Variants in NDRG1 observed in about 807,000 individuals in gnomAD.
NDRG1 encodes protein NDRG1.
In NDRG1, 32 loss-of-function variants were observed where a neutral mutation model predicts 56.9. That is an observed-to-expected ratio of 0.56 (90% CI 0.42 to 0.76). NDRG1 has a LOEUF of 0.76. Among genes scored for constraint, NDRG1 ranks in the 30% least tolerant of loss-of-function variants. The pLI, the probability that NDRG1 is intolerant of heterozygous loss-of-function variation, is 0.00. For missense variants in NDRG1, 507 were observed against 545.7 expected (o/e 0.93, Z 0.71); for synonymous variants, 211 against 204.1 (o/e 1.03, Z -0.29).
chr8:133,244,666 T>C (rs1855570158), intron 13 of NDRG1: 1 of 569,096 alleles, frequency 1.8e-6, no homozygotes. Flanking sequence ...CCAAGAACCA[T>C]GGAAGGTACA....
Position 133,244,258 on chromosome 8 carries a change from C to T in NDRG1, c.891+97G>A, listed in dbSNP as rs1586406869. 8 of 1,440,608 alleles carry T rather than the reference C, an allele frequency of 5.6e-6. No homozygotes were observed. In the South Asian group the frequency reaches 6.9e-5, roughly 12 times the overall value. The allele number at this position is 1,440,608 out of a possible 1,614,324, so 89.2% of individuals were successfully genotyped here. A position where few individuals can be genotyped will look rare whatever the true frequency, so the allele number is the denominator to read the frequency against. On this transcript the variant is annotated intron_variant, in intron 14 of 15. Transcript: ENST00000323851. ...GTCCACAAACTGTCATCCGATGTCA[C>T]AGCAAGGTAATGAGGGAACAGGTGT...
intron 15 of NDRG1, 100 bp from the exon 16 acceptor site, chr8:133,239,219 C>T: frequency 6.6e-7 from 1 of 1,520,130 alleles, no homozygotes; most frequent in East Asian, 2.5e-5. Flanking sequence ...CGTGCCAGCC[C>T]CAGAGAAGAC....
intron 3 of NDRG1, among the ~76,000 whole-genome samples, chr8:133,269,296 G>C (rs1857073021): frequency 6.6e-6 from 1 of 152,096 alleles, no homozygotes; most frequent in Non-Finnish European, 1.5e-5. Context: ...CACAGTTCAG[G>C]ACCAGGCCAC....
chr8:133,259,581 A>G (rs1856561348), intron 5 of NDRG1: 1 of 385,706 alleles, frequency 2.6e-6, no homozygotes, highest in Non-Finnish European at 4.9e-6. Context: ...GGTTAGCCAG[A>G]AACATGTCCT....
chr8:133,292,274 G>T (rs570131847), intron 1 of NDRG1, among the ~76,000 whole-genome samples: 2 of 152,156 alleles, frequency 1.3e-5, no homozygotes, highest in African/African-American at 4.8e-5. Flanking sequence ...CCTTTGTCCC[G>T]AGATGGGATG....
At chr8:133,271,824 A>C (rs993971344) in intron 3 of NDRG1, among the ~76,000 whole-genome samples, 5 of 110,328 alleles carry the variant, frequency 4.5e-5, no homozygotes, top group Admixed American at 4.1e-4. Context: ...AGAACACATA[A>C]AGTACCAGAG....
chr8:133,246,941 G>A (rs1045563488), intron 12 of NDRG1, among the ~76,000 whole-genome samples: 2 of 152,196 alleles, frequency 1.3e-5, no homozygotes, highest in Non-Finnish European at 2.9e-5. Flanking sequence ...AGGTTATTAT[G>A]AAGATTAGCC....
chr8:133,266,315 GGAACACA>G (rs1856917597), intron 3 of NDRG1, among the ~76,000 whole-genome samples: 1 of 152,258 alleles, frequency 6.6e-6, no homozygotes, highest in Non-Finnish European at 1.5e-5. Flanking sequence ...GCAGTGAAGT[GGAACACA>G]GAACACTCTA....
chr8:133,259,848 C>T (rs529705200), intron 5 of NDRG1, among the ~76,000 whole-genome samples: 6 of 152,260 alleles, frequency 3.9e-5, no homozygotes, highest in Non-Finnish European at 5.9e-5. Flanking sequence ...CAAAGCCTAT[C>T]GAAACAGAGA....
chr8:133,291,670 T>C (rs1464693737), intron 1 of NDRG1, among the ~76,000 whole-genome samples: 1 of 152,108 alleles, frequency 6.6e-6, no homozygotes. Context: ...AAGGAAACAG[T>C]ACAAATGTCA....
At chr8:133,243,275 G>A (rs1489149918) in intron 14 of NDRG1, among the ~76,000 whole-genome samples, 1 of 152,226 alleles carries the variant, frequency 6.6e-6, no homozygotes, top group South Asian at 2.1e-4. Flanking sequence ...AGCAGGTCAG[G>A]GCTGCAGGGA....
intron 2 of NDRG1, 27 bp downstream of exon 2, chr8:133,284,222 G>A (rs1857973062): frequency 6.2e-7 from 1 of 1,609,756 alleles, no homozygotes; most frequent in South Asian, 1.1e-5. Context: ...TGCCTGTGAT[G>A]GGGTAGCCAG....
At chr8:133,280,002 G>A (rs1219480796) in intron 3 of NDRG1, among the ~76,000 whole-genome samples, 1 of 152,162 alleles carries the variant, frequency 6.6e-6, no homozygotes, top group Non-Finnish European at 1.5e-5. Flanking sequence ...AACAGGCGGT[G>A]TCTCTGTCCT....
chr8:133,268,045 T>C (rs997472059), intron 3 of NDRG1, among the ~76,000 whole-genome samples: 5 of 152,104 alleles, frequency 3.3e-5, no homozygotes, highest in Admixed American at 2.0e-4. Flanking sequence ...TATACAGCCA[T>C]GGAACCAGAA....
At chr8:133,251,606 C>T (rs1856050979) in intron 9 of NDRG1, among the ~76,000 whole-genome samples, 1 of 152,166 alleles carries the variant, frequency 6.6e-6, no homozygotes, top group Admixed American at 6.5e-5. Flanking sequence ...GAATTTTTCC[C>T]AATTCCTATC....
intron 1 of NDRG1, chr8:133,284,772 T>TGCAA (rs1264917802): frequency 6.6e-6 from 3 of 457,982 alleles, no homozygotes; most frequent in Non-Finnish European, 8.8e-6. Flanking sequence ...ATAGGCATAG[T>TGCAA]GCAAGCTTCA....
chr8:133,272,415 A>G (rs1424368884), intron 3 of NDRG1, among the ~76,000 whole-genome samples: 2 of 152,170 alleles, frequency 1.3e-5, no homozygotes, highest in African/African-American at 4.8e-5. Flanking sequence ...AGGGACAGCG[A>G]TGCTCCCCAC....
chr8:133,287,473 A>G (rs989155306), intron 1 of NDRG1, among the ~76,000 whole-genome samples: 1 of 152,250 alleles, frequency 6.6e-6, no homozygotes, highest in African/African-American at 2.4e-5. Context: ...GATCATGAGC[A>G]AACAGACCCA....
At chr8:133,260,105 C>T (rs948743882) in intron 5 of NDRG1, among the ~76,000 whole-genome samples, 10 of 152,216 alleles carry the variant, frequency 6.6e-5, no homozygotes, top group Non-Finnish European at 8.8e-5. Flanking sequence ...TTGGAGCCAG[C>T]AGCTCCTAAG....
Sources: allele counts gnomAD v4.1 joint callset (sites outside exome capture counted in the v4.1 genomes callset), GRCh38; gene constraint gnomAD v4.1.1; transcripts MANE v1.5; gene names NCBI Gene and HGNC (gene_info 2026-07-23, HGNC 2026-07-21).